The following CCNG1 variants were observed in gnomAD, a reference collection of about 807,000 sequenced individuals.
CCNG1 encodes the protein cyclin-G1.
In CCNG1, 13 loss-of-function variants were observed where a neutral mutation model predicts 30.0. The observed-to-expected ratio is 0.43, with a 90% confidence interval of 0.28 to 0.69. The LOEUF (loss-of-function observed/expected upper bound fraction) is 0.69. Ranked by LOEUF, CCNG1 falls within the 30% of genes least tolerant of loss-of-function variation. The pLI, the probability that CCNG1 is intolerant of heterozygous loss-of-function variation, is 0.16. For synonymous variants in CCNG1, 110 were observed against 121.5 expected (o/e 0.91, Z 0.62); for missense variants, 285 against 331.4 (o/e 0.86, Z 1.09).
chr5:163,440,744 A>T (rs1449769823), intron 2 of CCNG1, among the ~76,000 whole-genome samples: 1 of 152,226 alleles, frequency 6.6e-6, no homozygotes, highest in African/African-American at 2.4e-5. Flanking sequence ...TTCAGTCCTC[A>T]TATATCTTTG....
Position 163,441,180 on chromosome 5 carries a change from C to G in CCNG1, c.367C>G (p.Arg123Gly). 6.2e-7 allele frequency: 1 copy of G among 1,613,754 alleles called. No individual in the cohort carries two copies. Among genetic ancestry groups the G allele is most frequent in the Non-Finnish European group, 8.5e-7 (1 of 1,179,804 alleles). ...RNVPLATDLI[R>G]ISQYRFTVSD... is the part of the protein sequence containing the mutation. ...TGTCCCATTGGCAACTGACTTGATCCGAATAAGTCAATATAGGTTTACGGT... is the reference window on the plus strand; with the variant it reads ...TGTCCCATTGGCAACTGACTTGATCGGAATAAGTCAATATAGGTTTACGGT... The change falls in exon 3 of 7, where the codon CGA (arginine) becomes GGA (glycine). Residue 123 changes from arginine to glycine, a missense_variant. Transcript: ENST00000340828.
rs1195751839 is a variant in CCNG1 at position 163,443,552 on chromosome 5, A to G, written c.*4-122A>G. 5.1e-6 allele frequency: 3 copies of G among 589,574 alleles called. No individual in the cohort carries two copies. In the African/African-American group the frequency reaches 5.6e-5, roughly 11 times the overall value. 36.5% of individuals were successfully genotyped at this position (589,574 alleles called of 1,614,324 possible). ...TTATTCTACTCAAAACTAAATGTTA[A>G]CATTTAATACATCTACATGTGATTA... On this transcript the variant is annotated intron_variant, in intron 6 of 6. Transcript: ENST00000340828.
At chr5:163,440,011 G>A (rs192110523) in intron 2 of CCNG1, among the ~76,000 whole-genome samples, 1 of 151,662 alleles carries the variant, frequency 6.6e-6, no homozygotes, top group East Asian at 1.9e-4. Context: ...AGGGAGGAGA[G>A]TGTGTCTGAA....
downstream of CCNG1, chr5:163,449,079 A>C (rs1356088810): frequency 6.6e-6 from 1 of 152,224 alleles, no homozygotes; most frequent in Non-Finnish European, 1.5e-5. Flanking sequence ...TGTTCTGGCC[A>C]CTGCAATCAG....
chr5:163,442,044 G>C lies in CCNG1; in HGVS notation c.598-1G>C. 6.2e-7 allele frequency: 1 copy of C among 1,609,492 alleles called. No homozygotes were observed. Among genetic ancestry groups the C allele is most frequent in the Non-Finnish European group, 8.5e-7 (1 of 1,176,424 alleles). ...ATTTACTTTAAATTTATCTCTTTTA[G>C]CCTTCTGTGTTGGCATTGTCTATCA... On this transcript the variant is annotated splice_acceptor_variant, in intron 4 of 6. Coordinates refer to ENST00000340828, the MANE Select transcript of CCNG1 (RefSeq NM_004060.4). LOFTEE classifies it high-confidence loss of function.
At chr5:163,443,589 T>C (rs995263436) in intron 6 of CCNG1, 85 bp from the exon 7 acceptor site, 3 of 708,172 alleles carry the variant, frequency 4.2e-6, no homozygotes, top group Non-Finnish European at 7.4e-6. Flanking sequence ...GAATATTAGA[T>C]ATGAACATTT....
At chr5:163,441,531 A>T (rs1404261771) in intron 3 of CCNG1, 200 bp downstream of exon 3, 3 of 561,096 alleles carry the variant, frequency 5.3e-6, no homozygotes, top group East Asian at 6.0e-5. Context: ...TCTTGGGATT[A>T]AAGTACATTT....
chr5:163,451,961 G>C, the CCNG1 span: 2 of 152,284 alleles, frequency 1.3e-5, no homozygotes, highest in South Asian at 4.1e-4. Flanking sequence ...GCTGAGGCAG[G>C]AGAATCGCTT....
At chr5:163,442,260 T>A in intron 5 of CCNG1, 114 bp from the exon 6 acceptor site, 2 of 1,097,580 alleles carry the variant, frequency 1.8e-6, no homozygotes, top group Non-Finnish European at 1.3e-6. Flanking sequence ...GTAGCTATCC[T>A]CAAATGTTTT....
chr5:163,448,086 G>A (rs1241851151), downstream of CCNG1: 1 of 151,740 alleles, frequency 6.6e-6, no homozygotes, highest in Non-Finnish European at 1.5e-5. Flanking sequence ...ATGACCCCAC[G>A]AGTTTGAGGC....
At chr5:163,440,192 A>C (rs111964953) in intron 2 of CCNG1, among the ~76,000 whole-genome samples, 8 of 152,296 alleles carry the variant, frequency 5.3e-5, no homozygotes, top group Admixed American at 2.6e-4. Flanking sequence ...AACACAGTGC[A>C]TCATAAAAAA....
downstream of CCNG1, chr5:163,448,891 A>C (rs1250303192): frequency 6.6e-6 from 1 of 152,234 alleles, no homozygotes; most frequent in Non-Finnish European, 1.5e-5. Flanking sequence ...AGAGCATAGA[A>C]AATTCAGCAT....
rs749453639 is a variant in CCNG1, at chr5:163,441,058, TTTTG to T, written c.265-16_265-13del. Reference sequence around the variant, plus strand: ...TAAGGTAGAGTCATGGGCTTACTGGTTTTGTTTTTGATTTTTTAGGTACAGCCCA... The same window carrying T: ...TAAGGTAGAGTCATGGGCTTACTGGTTTTTTGATTTTTTAGGTACAGCCCA... On this transcript the variant is annotated splice_polypyrimidine_tract_variant and intron_variant, in intron 2 of 6. Coordinates refer to ENST00000340828, the MANE Select transcript of CCNG1 (RefSeq NM_004060.4). 2.5e-6 allele frequency: 4 copies of T among 1,601,708 alleles called. No individual in the cohort carries two copies. Among genetic ancestry groups the T allele is most frequent in the Admixed American group, 1.7e-5 (1 of 57,282 alleles).
the CCNG1 span, chr5:163,452,558 T>G: frequency 6.6e-6 from 1 of 152,090 alleles, no homozygotes; most frequent in Admixed American, 6.6e-5. Context: ...TACGATAAAT[T>G]TAAAGTCTGA....
intron 2 of CCNG1, among the ~76,000 whole-genome samples, chr5:163,440,767 A>G (rs1384768520): frequency 6.6e-6 from 1 of 152,210 alleles, no homozygotes; most frequent in African/African-American, 2.4e-5. Context: ...TAGTTAACTT[A>G]TTTGATCAAA....
chr5:163,453,777 C>G, the CCNG1 span: 5 of 391,360 alleles, frequency 1.3e-5, no homozygotes, highest in Non-Finnish European at 1.9e-5. Context: ...TACCATATAT[C>G]CATAGAATAG....
intron 2 of CCNG1, among the ~76,000 whole-genome samples, chr5:163,440,081 G>C (rs1382216681): frequency 6.6e-6 from 1 of 151,516 alleles, no homozygotes; most frequent in African/African-American, 2.4e-5. Context: ...GAGCTTAACT[G>C]TTACAAATGC....
At position 163,441,336 on chromosome 5, in the gene CCNG1, G is replaced by C. The variant is rs569404204; in HGVS notation, c.518+5G>C. 6.2e-7 allele frequency: 1 copy of C among 1,611,926 alleles called. No homozygotes were observed. The highest frequency in any genetic ancestry group is 1.3e-5 in the African/African-American group (1 of 74,960). On this transcript the variant is annotated splice_donor_5th_base_variant and intron_variant, in intron 3 of 6. Coordinates refer to ENST00000340828, the MANE Select transcript of CCNG1 (RefSeq NM_004060.4). ...AGAGAACTTGCCACTTGAAAGGTAA[G>C]TGACCTTTGTTTTGAACAAGAGACA...
chr5:163,441,041 A>C, intron 2 of CCNG1, 37 bp from the exon 3 acceptor site: 1 of 1,575,044 alleles, frequency 6.3e-7, no homozygotes, highest in Middle Eastern at 1.7e-4. Flanking sequence ...AATAAGGTAG[A>C]GTCATGGGCT....
Sources: gnomAD v4.1 joint callset for allele counts (sites outside exome capture counted in the v4.1 genomes callset) on GRCh38, gnomAD v4.1.1 for gene constraint, MANE v1.5 for transcripts, NCBI Gene and HGNC (gene_info 2026-07-23, HGNC 2026-07-21) for gene names.